PLXNA4: variants seen among roughly 807,000 people sequenced by gnomAD.
The protein encoded by PLXNA4 is plexin A4, also known as plexin-A4.
In PLXNA4, 44 loss-of-function variants were observed where a neutral mutation model predicts 191.8. The observed-to-expected ratio is 0.23, with a 90% CI of 0.18 to 0.29. The LOEUF (loss-of-function observed/expected upper bound fraction) is 0.29, where lower values mean the gene tolerates loss of function less well. Among genes scored for constraint, PLXNA4 ranks in the 10% least tolerant of loss-of-function variants. The pLI is 1.00. For missense variants in PLXNA4, 1,800 were observed against 2,488.8 expected (o/e 0.72, Z 5.89); for synonymous variants, 1,082 against 1,009.5 (o/e 1.07, Z -1.36).
intron 25 of PLXNA4, among the ~76,000 whole-genome samples, chr7:132,155,447 T>TG (rs966858644): frequency 6.6e-6 from 1 of 152,154 alleles, no homozygotes; most frequent in Non-Finnish European, 1.5e-5. Context: ...TGCTAAGAAG[T>TG]GGGGAACATC....
Position 132,359,117 on chromosome 7 carries a change from A to G in PLXNA4, c.1372-60895T>C, listed in dbSNP as rs534025199. ...CTCTGCAAATGGGTACTACAAAGAG[A>G]CTCAAAGTTAGACCTGGAAGGCACC... On this transcript the variant is annotated intron_variant, in intron 3 of 31. Transcript: ENST00000321063. Among the ~76,000 whole-genome samples, 3 of 150,990 alleles carry G rather than the reference A, an allele frequency of 2.0e-5. No individual in the cohort carries two copies. In the South Asian group the frequency reaches 6.3e-4, roughly 32 times the overall value.
At position 132,426,260 on chromosome 7, in the gene PLXNA4, G is replaced by A. The variant is rs534149944; in HGVS notation, c.1371+63032C>T. On this transcript the variant is annotated intron_variant, in intron 3 of 31. Transcript: ENST00000321063. ...GCTCATCAGCCCTTCAATGGCCCCCGGTGATGACCCAGTAGAGCGGCTAAG... is the reference window on the plus strand; with the variant it reads ...GCTCATCAGCCCTTCAATGGCCCCCAGTGATGACCCAGTAGAGCGGCTAAG... Among the ~76,000 whole-genome samples the A allele has an allele frequency of 9.2e-5, 14 of 152,326 alleles. No homozygotes were observed. In the East Asian group the frequency reaches 1.7e-3, roughly 19 times the overall value.
intron 3 of PLXNA4, among the ~76,000 whole-genome samples, chr7:132,446,703 C>G (rs1286055112): frequency 6.6e-6 from 1 of 152,212 alleles, no homozygotes; most frequent in Non-Finnish European, 1.5e-5. Context: ...ATTGTATCCT[C>G]ACAAAAACCC....
At chr7:132,646,629 G>A (rs1198219324) in intron 1 of PLXNA4, among the ~76,000 whole-genome samples, 1 of 152,146 alleles carries the variant, frequency 6.6e-6, no homozygotes, top group Non-Finnish European at 1.5e-5. Flanking sequence ...CAATCCTACT[G>A]ATACCTTGCT....
At position 132,624,923 on chromosome 7, in the gene PLXNA4, C is replaced by T. The variant is rs565303921; in HGVS notation, c.-87+21005G>A. 2.0e-5 allele frequency among the ~76,000 whole-genome samples: 3 copies of T among 152,320 alleles called. No homozygotes were observed. In the South Asian group the frequency reaches 6.2e-4, roughly 32 times the overall value. On this transcript the variant is annotated intron_variant, in intron 2 of 4. Transcript: ENST00000378539. ...AGAACAAACCACCCAAGTCCTCAGA[C>T]TTTCTTCTGCTTCTAGATTGCCCAA...
chr7:132,507,366 A>G (rs1199965068), intron 2 of PLXNA4, 140 bp downstream of exon 2: 12 of 950,176 alleles, frequency 1.3e-5, no homozygotes, highest in South Asian at 3.6e-5. Context: ...TCTGGGTCCA[A>G]TGAGACTCAG....
chr7:132,341,967 T>A (rs1222100449), intron 3 of PLXNA4, among the ~76,000 whole-genome samples: 1 of 152,004 alleles, frequency 6.6e-6, no homozygotes, highest in East Asian at 1.9e-4. Flanking sequence ...GATTCCAACA[T>A]GCTTTTGGGT....
At chr7:132,512,996 G>A (rs1315609474) in intron 1 of PLXNA4, among the ~76,000 whole-genome samples, 1 of 152,258 alleles carries the variant, frequency 6.6e-6, no homozygotes, top group South Asian at 2.1e-4. Context: ...ACTACGTAGA[G>A]TGGGTAAGAA....
rs3734988 is a variant in PLXNA4 at position 132,179,892 on chromosome 7, C to T, written c.3669G>A (p.Pro1223=). 985 of 1,611,070 alleles carry T rather than the reference C, an allele frequency of 6.1e-4. 12 individuals are homozygous for T. In the East Asian group the frequency reaches 0.02, roughly 33 times the overall value. ...TGTCCGGGGCAATGTACACCATCCC[C>T]GGGGAGTACTCCATGCCACCGACAC... The part of the protein sequence containing the change: ...MARVGGMEYS[P]GMVYIAPDSP... Residue 1223 remains proline, a synonymous_variant, in exon 20 of 32, where the codon CCG becomes CCA. Coordinates refer to ENST00000321063, the MANE Select transcript of PLXNA4 (RefSeq NM_020911.2).
intron 4 of PLXNA4, among the ~76,000 whole-genome samples, chr7:132,273,115 T>C (rs1359438875): frequency 6.6e-6 from 1 of 152,142 alleles, no homozygotes; most frequent in African/African-American, 2.4e-5. Flanking sequence ...TATGGAGCAA[T>C]CATAAAACGG....
rs917088299 is a variant in PLXNA4, at chr7:132,267,397, G to A, written c.1504-26231C>T. ...CAGGTGTCCTTGGACACATGTGAAT[G>A]GGGAGAGGGGTGTGCCCAGCTCACA... is the stretch of plus-strand genomic sequence containing the variant. On this transcript the variant is annotated intron_variant, in intron 4 of 31. Transcript: ENST00000321063. 6.6e-5 allele frequency among the ~76,000 whole-genome samples: 10 copies of A among 152,300 alleles called. No homozygotes were observed. In the East Asian group the frequency reaches 1.9e-3, roughly 29 times the overall value.
chr7:132,386,671 G>A (rs955196464), intron 3 of PLXNA4, among the ~76,000 whole-genome samples: 13 of 152,242 alleles, frequency 8.5e-5, no homozygotes, highest in East Asian at 3.9e-4. Flanking sequence ...TTAAACCGTC[G>A]TCTGAAATAC....
intron 3 of PLXNA4, among the ~76,000 whole-genome samples, chr7:132,393,178 T>C (rs898171739): frequency 6.0e-5 from 9 of 151,130 alleles, no homozygotes; most frequent in East Asian, 3.9e-4. Context: ...ATCAGCAACA[T>C]TGACCCCCAA....
intron 4 of PLXNA4, among the ~76,000 whole-genome samples, chr7:132,278,532 C>T (rs893736433): frequency 3.9e-5 from 6 of 152,206 alleles, no homozygotes; most frequent in Middle Eastern, 3.2e-3. Context: ...AAAAAGCCTT[C>T]GTGTCATCAG....
chr7:132,552,706 A>T (rs1800614616), intron 1 of PLXNA4, among the ~76,000 whole-genome samples: 1 of 152,214 alleles, frequency 6.6e-6, no homozygotes, highest in South Asian at 2.1e-4. Flanking sequence ...ATCTGGAGAC[A>T]CACCCCCTTT....
chr7:132,490,219 G>A (rs1797738264), intron 2 of PLXNA4, among the ~76,000 whole-genome samples: 2 of 152,152 alleles, frequency 1.3e-5, no homozygotes, highest in African/African-American at 4.8e-5. Flanking sequence ...ACTTCCCAAA[G>A]TGCCATCCAT....
chr7:132,154,842 A>G (rs1795747216), intron 25 of PLXNA4, among the ~76,000 whole-genome samples: 1 of 152,218 alleles, frequency 6.6e-6, no homozygotes, highest in Admixed American at 6.5e-5. Context: ...GCCCTGCTCC[A>G]GGCACCAAGC....
chr7:132,131,633 C>T lies in PLXNA4; in HGVS notation c.5590-1059G>A, dbSNP rs138137397. The stretch of plus-strand genomic sequence containing the variant: ...CTGGCCAAGAACTGTCATTTGTACG[C>T]GCCATCATTTCATAGATGGGTTATT... On this transcript the variant is annotated intron_variant, in intron 31 of 31. Transcript: ENST00000321063. Among the ~76,000 whole-genome samples, 194 of 152,338 alleles carry T rather than the reference C, an allele frequency of 1.3e-3. 2 individuals are homozygous for T. In the Middle Eastern group the frequency reaches 0.02, roughly 16 times the overall value.
chr7:132,351,934 T>G (rs1355402675), intron 3 of PLXNA4, among the ~76,000 whole-genome samples: 1 of 152,204 alleles, frequency 6.6e-6, no homozygotes, highest in African/African-American at 2.4e-5. Flanking sequence ...CAATTCCCTC[T>G]TATTAAGCCT....
Sources: gnomAD v4.1 joint callset for allele counts (sites outside exome capture counted in the v4.1 genomes callset) on GRCh38, gnomAD v4.1.1 for gene constraint, MANE v1.5 for transcripts, NCBI Gene and HGNC (gene_info 2026-07-23, HGNC 2026-07-21) for gene names.